The following TRA2A variants were observed in gnomAD, a reference collection of about 807,000 sequenced individuals.
The protein encoded by TRA2A is transformer-2 protein homolog alpha.
A neutral mutation model predicts 45.7 loss-of-function variants in TRA2A; 31 were observed. The observed-to-expected ratio is 0.68, with a 90% CI of 0.51 to 0.92. The LOEUF (loss-of-function observed/expected upper bound fraction) is 0.92. TRA2A is among the 40% of genes least tolerant of loss of function. The probability of loss-of-function intolerance (pLI) is 0.00; values close to 1 mark genes in which losing one functional copy is unlikely to be tolerated. For synonymous variants in TRA2A, 132 were observed against 126.2 expected, an observed-to-expected ratio of 1.05 and a Z score of -0.31; for missense variants, 304 against 367.5, an observed-to-expected ratio of 0.83 and a Z score of 1.41.
rs1790139763 is a variant in TRA2A at position 23,521,603 on chromosome 7, A to G, written c.170+104T>C. 8 of 1,337,430 alleles carry G rather than the reference A, an allele frequency of 6.0e-6. No individual in the cohort carries two copies. The South Asian group carries it at 1.0e-4, about 17-fold the overall frequency. 82.8% of individuals were successfully genotyped at this position (1,337,430 alleles called of 1,614,324 possible). A position where few individuals can be genotyped will look rare whatever the true frequency, so the allele number is the denominator to read the frequency against. On this transcript the variant is annotated intron_variant, in intron 2 of 7. Coordinates refer to ENST00000297071, the MANE Select transcript of TRA2A (RefSeq NM_013293.5). ...AAAGAGCAGTCTGAGAAAAACTATA[A>G]TTTTGAGTCTTTCGTGAAATTTCTA...
chr7:23,527,908 T>G (rs1026464420), intron 1 of TRA2A, among the ~76,000 whole-genome samples: 1 of 152,044 alleles, frequency 6.6e-6, no homozygotes, highest in Non-Finnish European at 1.5e-5. Flanking sequence ...GAGATTTTAA[T>G]TTTTTTTAAG....
At chr7:23,505,636 A>T (rs979661268) in intron 7 of TRA2A, 67 bp from the exon 8 acceptor site, 9 of 670,866 alleles carry the variant, frequency 1.3e-5, no homozygotes, top group South Asian at 1.2e-4. Flanking sequence ...AATTTGCCTC[A>T]TATTTTTCCA....
At chr7:23,515,753 C>A (rs182122636) in intron 3 of TRA2A, among the ~76,000 whole-genome samples, 2 of 147,712 alleles carry the variant, frequency 1.4e-5, no homozygotes, top group Non-Finnish European at 3.0e-5. Flanking sequence ...ACCATGTTGG[C>A]CAGGCTGGTC....
intron 2 of TRA2A, among the ~76,000 whole-genome samples, chr7:23,517,866 C>T (rs1450883646): frequency 6.7e-5 from 10 of 149,356 alleles, no homozygotes; most frequent in East Asian, 4.1e-4. Flanking sequence ...GAGCTGAGAT[C>T]GTGCCACTGC....
chr7:23,516,079 G>A (rs1323968752), intron 3 of TRA2A, among the ~76,000 whole-genome samples: 4 of 151,978 alleles, frequency 2.6e-5, no homozygotes, highest in Non-Finnish European at 4.4e-5. Context: ...GGCTAAGGCC[G>A]CAGTGAGTCG....
At chr7:23,521,563 A>G (rs1790138148) in intron 2 of TRA2A, 144 bp downstream of exon 2, 1 of 916,060 alleles carries the variant, frequency 1.1e-6, no homozygotes, top group Admixed American at 2.3e-5. Context: ...TGTCTGGGAT[A>G]TAGTATTCAT....
At chr7:23,529,911 C>T (rs1056687804) in intron 1 of TRA2A, among the ~76,000 whole-genome samples, 16 of 144,264 alleles carry the variant, frequency 1.1e-4, no homozygotes, top group Non-Finnish European at 1.9e-4. Context: ...AGGTGGGAAT[C>T]TTAACATGTT....
intron 4 of TRA2A, among the ~76,000 whole-genome samples, chr7:23,509,086 A>C (rs1164154636): frequency 6.6e-6 from 1 of 150,752 alleles, no homozygotes; most frequent in Non-Finnish European, 1.5e-5. Context: ...GCTCAAGTAA[A>C]TCCTCTTGCC....
chr7:23,505,830 A>G lies in TRA2A; in HGVS notation c.771-17T>C. 9 of 1,441,388 alleles carry G rather than the reference A, an allele frequency of 6.2e-6. No individual in the cohort carries two copies. The highest frequency in any genetic ancestry group is 8.4e-6 in the Non-Finnish European group (9 of 1,066,470). The allele number at this position is 1,441,388 out of a possible 1,614,324, so 89.3% of individuals were successfully genotyped here. A position where few individuals can be genotyped will look rare whatever the true frequency, so the allele number is the denominator to read the frequency against. Reference sequence around the variant, plus strand: ...GATCGTCTTCTGTAAGAAATGAAAGATTACTTAGCATACTATATAATCACT... The same window carrying G: ...GATCGTCTTCTGTAAGAAATGAAAGGTTACTTAGCATACTATATAATCACT... On this transcript the variant is annotated splice_polypyrimidine_tract_variant and intron_variant, in intron 6 of 7. Coordinates refer to ENST00000297071, the MANE Select transcript of TRA2A (RefSeq NM_013293.5).
intron 3 of TRA2A, 84 bp downstream of exon 3, chr7:23,516,279 C>G: frequency 7.0e-7 from 1 of 1,427,186 alleles, no homozygotes; most frequent in Non-Finnish European, 9.7e-7. Flanking sequence ...AAACAATGGC[C>G]AAGCTCCCCT....
intron 3 of TRA2A, among the ~76,000 whole-genome samples, chr7:23,515,223 C>CTTTTTTTTTTTTTTTTTTTTTT (rs767953060): frequency 1.0e-5 from 1 of 96,798 alleles, no homozygotes; most frequent in Non-Finnish European, 1.9e-5. Flanking sequence ...GAACATATTT[C>CTTTTTTTTTTTTTTTTTTTTTT]TTTTTTTTTT....
At chr7:23,517,278 C>A (rs1183454844) in intron 2 of TRA2A, among the ~76,000 whole-genome samples, 2 of 150,296 alleles carry the variant, frequency 1.3e-5, no homozygotes, top group Non-Finnish European at 1.5e-5. Context: ...GTCAGGAGAT[C>A]GAGACCATCC....
chr7:23,507,560 C>T, intron 4 of TRA2A, 25 bp from the exon 5 acceptor site: 1 of 1,518,790 alleles, frequency 6.6e-7, no homozygotes. Flanking sequence ...CACAAAAAGT[C>T]ACGTATAATT....
At chr7:23,512,772 T>TA in intron 4 of TRA2A, 122 bp downstream of exon 4, 13 of 871,780 alleles carry the variant, frequency 1.5e-5, no homozygotes, top group Non-Finnish European at 2.0e-5. Context: ...GATCCTATCT[T>TA]TAAAAAAAAA....
At chr7:23,514,570 G>A (rs1418632395) in intron 3 of TRA2A, among the ~76,000 whole-genome samples, 1 of 151,598 alleles carries the variant, frequency 6.6e-6, no homozygotes, top group Non-Finnish European at 1.5e-5. Context: ...TGTAATTGTT[G>A]ATTTAGACCT....
At chr7:23,523,146 CAAG>C (rs1790203873) in intron 1 of TRA2A, among the ~76,000 whole-genome samples, 1 of 152,092 alleles carries the variant, frequency 6.6e-6, no homozygotes, top group Non-Finnish European at 1.5e-5. Context: ...CCACAATGTG[CAAG>C]AAGGTACAAA....
intron 6 of TRA2A, 77 bp downstream of exon 6, chr7:23,506,061 T>C: frequency 3.9e-6 from 5 of 1,290,968 alleles, no homozygotes; most frequent in Non-Finnish European, 5.4e-6. Context: ...TTTTTATTCA[T>C]ATGTATCCAA....
At chr7:23,526,292 C>T (rs1412810853) in intron 1 of TRA2A, among the ~76,000 whole-genome samples, 1 of 152,154 alleles carries the variant, frequency 6.6e-6, no homozygotes, top group African/African-American at 2.4e-5. Flanking sequence ...GTAACTTACT[C>T]TAACATTAAG....
intron 6 of TRA2A, 114 bp from the exon 7 acceptor site, chr7:23,505,927 AAT>A: frequency 1.4e-6 from 1 of 725,028 alleles, no homozygotes; most frequent in Non-Finnish European, 2.2e-6. Flanking sequence ...ATAACTACTT[AAT>A]ATTAAGTTCT....
Sources: allele counts gnomAD v4.1 joint callset (sites outside exome capture counted in the v4.1 genomes callset), GRCh38; gene constraint gnomAD v4.1.1; transcripts MANE v1.5; gene names NCBI Gene and HGNC (gene_info 2026-07-23, HGNC 2026-07-21).